Variants in TUT7 observed in about 807,000 individuals in gnomAD.
TUT7 encodes the protein terminal uridylyltransferase 7.
In TUT7, 33 loss-of-function variants were observed where a neutral mutation model predicts 165.9. The observed-to-expected ratio is 0.20, with a 90% confidence interval of 0.15 to 0.27. The LOEUF is 0.27. TUT7 is among the 10% of genes least tolerant of loss of function. The pLI, the probability that TUT7 is intolerant of heterozygous loss-of-function variation, is 1.00. For missense variants in TUT7, 1,338 were observed against 1,762.3 expected (o/e 0.76, Z 4.31); for synonymous variants, 552 against 608.1 (o/e 0.91, Z 1.36).
At chr9:86,309,395 T>C in intron 20 of TUT7, 68 bp downstream of exon 20, 1 of 1,482,238 alleles carries the variant, frequency 6.7e-7, no homozygotes, top group Non-Finnish European at 9.2e-7. Flanking sequence ...CACAGAATTT[T>C]AGAGGAGGAG....
intron 18 of TUT7, among the ~76,000 whole-genome samples, 195 bp from the exon 19 acceptor site, chr9:86,310,212 C>T (rs1026948379): frequency 6.6e-6 from 1 of 151,758 alleles, no homozygotes; most frequent in African/African-American, 2.4e-5. Flanking sequence ...AGCCACCATG[C>T]GAGCCTAGAT....
chr9:86,299,478 C>T (rs920679892), intron 26 of TUT7, among the ~76,000 whole-genome samples: 3 of 152,134 alleles, frequency 2.0e-5, no homozygotes, highest in African/African-American at 4.8e-5. Flanking sequence ...TTTTGAACTG[C>T]CACCAAAGGA....
At position 86,337,523 on chromosome 9, in the gene TUT7, G is replaced by C. The variant is rs377283750; in HGVS notation, c.1351C>G (p.Arg451Gly). 1 of 1,609,400 alleles carries C rather than the reference G, an allele frequency of 6.2e-7. No homozygotes were observed. Among genetic ancestry groups the C allele is most frequent in the Non-Finnish European group, 8.5e-7 (1 of 1,178,794 alleles). The change falls in exon 10 of 27, where the codon CGC becomes GGC. Residue 451 changes from arginine to glycine, a missense_variant. Around this residue, in one of 7 missense-constraint regions of TUT7, gnomAD observed 74 missense variants for 128.5 expected, o/e 0.58. Coordinates refer to ENST00000375963, the MANE Select transcript of TUT7 (RefSeq NM_024617.4). The stretch of plus-strand genomic sequence containing the variant: ...GGTGGCAGACCTCCTTCTTCAGGGC[G>C]ATCTATACTGCAAAGCTACAAACAA... Reference protein sequence around the residue: ...RYWAKLCSIDRPEEGGLPPYV... With the variant: ...RYWAKLCSIDGPEEGGLPPYV...
intron 2 of TUT7, among the ~76,000 whole-genome samples, chr9:86,351,390 C>G (rs189958445): frequency 6.6e-6 from 1 of 151,634 alleles, no homozygotes; most frequent in African/African-American, 2.4e-5. Context: ...GAGCCAAGAT[C>G]GCGCCACTGT....
chr9:86,317,213 A>G lies in TUT7; in HGVS notation c.3274+6T>C. 1 of 1,611,806 alleles carries G rather than the reference A, an allele frequency of 6.2e-7. No individual in the cohort carries two copies. Among genetic ancestry groups the G allele is most frequent in the Non-Finnish European group, 8.5e-7 (1 of 1,178,056 alleles). Reference sequence around the variant, plus strand: ...AAATATTTTTAGAAAAAGTTTACAGAGGTACCTGAATGTTTTCTGAGGACT... The same window carrying G: ...AAATATTTTTAGAAAAAGTTTACAGGGGTACCTGAATGTTTTCTGAGGACT... On this transcript the variant is annotated splice_donor_region_variant and intron_variant, in intron 17 of 26. Coordinates refer to ENST00000375963, the MANE Select transcript of TUT7 (RefSeq NM_024617.4).
chr9:86,312,490 G>C (rs942241417), intron 17 of TUT7, among the ~76,000 whole-genome samples: 11 of 150,782 alleles, frequency 7.3e-5, no homozygotes, highest in African/African-American at 2.4e-4. Flanking sequence ...GAGGGAGGTG[G>C]GGGGGTCAGT....
At chr9:86,295,948 C>G (rs934053895) in intron 26 of TUT7, among the ~76,000 whole-genome samples, 2 of 151,976 alleles carry the variant, frequency 1.3e-5, no homozygotes, top group Admixed American at 6.6e-5. Context: ...GATTCTCATA[C>G]TGAATAAATT....
intron 22 of TUT7, 73 bp from the exon 23 acceptor site, chr9:86,305,312 T>G: frequency 9.9e-7 from 1 of 1,014,796 alleles, no homozygotes; most frequent in Non-Finnish European, 1.5e-6. Flanking sequence ...TAAGTAAAGT[T>G]CATAAAACAA....
intron 2 of TUT7, among the ~76,000 whole-genome samples, chr9:86,349,936 AGAATACAC>A (rs1832124725): frequency 6.6e-6 from 1 of 152,242 alleles, no homozygotes. Flanking sequence ...TGCTTTTATA[AGAATACAC>A]ATAAAATAAG....
chr9:86,323,546 T>C lies in TUT7; in HGVS notation c.2204A>G (p.Asp735Gly). Residue 735 changes from aspartate (D) to glycine (G), a missense_variant, in exon 13 of 27, where the codon GAT becomes GGT. Asp to Gly is a moderately conservative substitution (Grantham distance 94). Transcript: ENST00000375963. ...ATGGTATACTTTATCACCCTTGTAA[T>C]CATCAGAGTTAACATCTGCTTGGAT... ...DCIQADVNSD[D>G]YKGDKVYHPE... 6.2e-7 allele frequency: 1 copy of C among 1,614,242 alleles called. No individual in the cohort carries two copies. The highest frequency in any genetic ancestry group is 8.5e-7 in the Non-Finnish European group (1 of 1,180,040).
At position 86,289,087 on chromosome 9, in the gene TUT7, T is replaced by C. The variant is rs140564287; in HGVS notation, c.4421-343A>G. On this transcript the variant is annotated intron_variant, in intron 26 of 26. Coordinates refer to ENST00000375963, the MANE Select transcript of TUT7 (RefSeq NM_024617.4). The stretch of plus-strand genomic sequence containing the variant: ...TATCTTCATTTGCAGCCAAACATAA[T>C]AGATTGCAAAGAATTATCTGGCCAG... Among the ~76,000 whole-genome samples the C allele has an allele frequency of 2.8e-4, 43 of 152,306 alleles. 1 individual carries two copies. The highest frequency in any genetic ancestry group is 1.0e-3 in the African/African-American group (43 of 41,576).
intron 10 of TUT7, chr9:86,337,211 T>A: frequency 1.9e-6 from 1 of 530,170 alleles, no homozygotes. Flanking sequence ...AGAAAGGTAA[T>A]AATATCCCTA....
intron 26 of TUT7, among the ~76,000 whole-genome samples, chr9:86,292,892 T>C (rs996414649): frequency 6.6e-6 from 1 of 152,244 alleles, no homozygotes; most frequent in Non-Finnish European, 1.5e-5. Context: ...TTGGTAAGTA[T>C]AGTACTAGTA....
chr9:86,353,492 T>C (rs1019291326), intron 1 of TUT7, among the ~76,000 whole-genome samples: 3 of 152,214 alleles, frequency 2.0e-5, no homozygotes, highest in African/African-American at 4.8e-5. Flanking sequence ...AGAAGCTCTA[T>C]AGGTTCCAGA....
At chr9:86,319,195 A>AATC in intron 15 of TUT7, 137 bp from the exon 16 acceptor site, 1 of 606,086 alleles carries the variant, frequency 1.6e-6, no homozygotes, top group Middle Eastern at 4.3e-4. Context: ...TTCTCTGATT[A>AATC]ACTGGTCATT....
intron 26 of TUT7, among the ~76,000 whole-genome samples, chr9:86,292,506 T>C (rs966235570): frequency 1.3e-5 from 2 of 149,142 alleles, no homozygotes; most frequent in African/African-American, 5.0e-5. Flanking sequence ...CTTAACCTCA[T>C]AATAATGGAT....
intron 1 of TUT7, among the ~76,000 whole-genome samples, chr9:86,353,578 A>G (rs1832485523): frequency 6.6e-6 from 1 of 152,244 alleles, no homozygotes; most frequent in South Asian, 2.1e-4. Context: ...TTCTCTTCAA[A>G]GAAAACCTCA....
chr9:86,315,918 T>C lies in TUT7; in HGVS notation c.3274+1301A>G, dbSNP rs181004073. Among the ~76,000 whole-genome samples, 81 of 152,292 alleles carry C rather than the reference T, an allele frequency of 5.3e-4. 1 individual carries two copies. In the Middle Eastern group the frequency reaches 0.034, roughly 64 times the overall value. On this transcript the variant is annotated intron_variant, in intron 17 of 26. Transcript: ENST00000375963. ...TTTAAACAACATGGTATGTACTTTATTAACTCCTGGGGAAAAAATTTCAAA... is the reference window on the plus strand; with the variant it reads ...TTTAAACAACATGGTATGTACTTTACTAACTCCTGGGGAAAAAATTTCAAA...
intron 2 of TUT7, among the ~76,000 whole-genome samples, chr9:86,350,325 C>T (rs1208326138): frequency 1.3e-5 from 2 of 151,986 alleles, no homozygotes; most frequent in African/African-American, 2.4e-5. Context: ...AGCGAGACTC[C>T]ATCTCAAAAA....
Sources: gnomAD v4.1 joint callset for allele counts (sites outside exome capture counted in the v4.1 genomes callset) on GRCh38, gnomAD v4.1.1 for gene constraint, gnomAD v4.1.1 regional missense constraint, MANE v1.5 for transcripts, NCBI Gene and HGNC (gene_info 2026-07-23, HGNC 2026-07-21) for gene names.